DAPK2: variants seen among roughly 807,000 people sequenced by gnomAD.
The protein encoded by DAPK2 is death associated protein kinase 2.
DAPK2 carries 35 observed loss-of-function variants against 44.1 expected under a neutral mutation model. The ratio of observed to expected loss-of-function variants is 0.79; its 90% CI spans 0.61 to 1.05. DAPK2 has a LOEUF of 1.05. Among genes scored for constraint, DAPK2 ranks in the 50% least tolerant of loss-of-function variants. The pLI, the probability that DAPK2 is intolerant of heterozygous loss-of-function variation, is 0.00. For synonymous variants in DAPK2, 174 were observed against 182.6 expected, an observed-to-expected ratio of 0.95 and a Z score of 0.38; for missense variants, 453 against 483.2, an observed-to-expected ratio of 0.94 and a Z score of 0.59.
intron 1 of DAPK2, among the ~76,000 whole-genome samples, chr15:64,027,416 A>C (rs921837758): frequency 5.3e-5 from 8 of 151,692 alleles, no homozygotes; most frequent in African/African-American, 1.9e-4. Flanking sequence ...AAAAAACCCC[A>C]AAATTAGCCA....
At chr15:64,027,180 C>T (rs1043153592) in intron 1 of DAPK2, among the ~76,000 whole-genome samples, 4 of 152,014 alleles carry the variant, frequency 2.6e-5, no homozygotes, top group East Asian at 1.9e-4. Context: ...GTCAGGAATT[C>T]GAGACCAGCC....
chr15:63,961,701 C>T (rs761874806), intron 3 of DAPK2, among the ~76,000 whole-genome samples: 45 of 152,160 alleles, frequency 3.0e-4, no homozygotes, highest in Admixed American at 7.2e-4. Flanking sequence ...GGGTTTCTGC[C>T]GAGAGATCTG....
chr15:63,930,304 G>A (rs1420505137), intron 5 of DAPK2, 103 bp downstream of exon 6: 1 of 1,133,392 alleles, frequency 8.8e-7, no homozygotes, highest in Non-Finnish European at 1.3e-6. Context: ...TGAGTGTGGA[G>A]TAAGGGGCTT....
chr15:64,011,998 C>A (rs979522007), intron 1 of DAPK2, among the ~76,000 whole-genome samples: 4 of 152,152 alleles, frequency 2.6e-5, no homozygotes, highest in African/African-American at 9.7e-5. Context: ...TTTTCCAGCC[C>A]CCCAGCCTTG....
At chr15:63,947,727 T>C (rs992374814) in intron 3 of DAPK2, among the ~76,000 whole-genome samples, 7 of 152,198 alleles carry the variant, frequency 4.6e-5, no homozygotes, top group African/African-American at 1.7e-4. Context: ...ACTATTTCCT[T>C]GATGATGTCT....
At chr15:63,999,294 C>T (rs1417161835) in intron 1 of DAPK2, among the ~76,000 whole-genome samples, 1 of 152,220 alleles carries the variant, frequency 6.6e-6, no homozygotes, top group African/African-American at 2.4e-5. Context: ...GGCCAGGCAT[C>T]AGACCCGAGC....
rs996926546 is a variant in DAPK2 at position 63,930,130 on chromosome 15, G to C, written c.632+277C>G. 2.0e-5 allele frequency among the ~76,000 whole-genome samples: 3 copies of C among 152,122 alleles called. No individual in the cohort carries two copies. In the East Asian group the frequency reaches 5.8e-4, roughly 29 times the overall value. ...TTAACCCCAGCTGGGGCAGGCCCAC[G>C]GGTGAGTCTGCGCCTCCCCCTTGCC... On this transcript the variant is annotated intron_variant, in intron 5 of 10. Coordinates refer to ENST00000261891, the Ensembl canonical transcript of DAPK2.
chr15:63,943,748 C>T (rs988941137), intron 3 of DAPK2, among the ~76,000 whole-genome samples: 4 of 152,046 alleles, frequency 2.6e-5, no homozygotes, highest in Admixed American at 6.5e-5. Context: ...TGGTGGCACA[C>T]GCCTGTAGTT....
At chr15:64,035,856 G>A in intron 1 of DAPK2, among the ~76,000 whole-genome samples, 1 of 152,152 alleles carries the variant, frequency 6.6e-6, no homozygotes, top group East Asian at 1.9e-4. Flanking sequence ...GCAGGGCCAG[G>A]GAGGGTCCCA....
chr15:64,044,002 A>G (rs1434686426), upstream of DAPK2, among the ~76,000 whole-genome samples: 1 of 151,972 alleles, frequency 6.6e-6, no homozygotes, highest in Non-Finnish European at 1.5e-5. Flanking sequence ...CTTTCCTAAC[A>G]CCTCTCCTAA....
At chr15:63,938,718 A>T (rs1225462813) in intron 4 of DAPK2, among the ~76,000 whole-genome samples, 1 of 152,216 alleles carries the variant, frequency 6.6e-6, no homozygotes, top group Admixed American at 6.5e-5. Context: ...GGTGACAGAA[A>T]CAGAGGGAAG....
At chr15:63,974,065 G>A (rs2078283512) in intron 2 of DAPK2, among the ~76,000 whole-genome samples, 2 of 152,108 alleles carry the variant, frequency 1.3e-5, no homozygotes, top group South Asian at 4.1e-4. Flanking sequence ...CTAGAATACT[G>A]TTTTTGATGT....
intron 1 of DAPK2, among the ~76,000 whole-genome samples, chr15:63,998,572 C>T (rs965159935): frequency 6.6e-6 from 1 of 152,190 alleles, no homozygotes; most frequent in Non-Finnish European, 1.5e-5. Flanking sequence ...GCCAGGCTCT[C>T]TGGCTCCCTG....
chr15:63,942,703 A>G lies in DAPK2; in HGVS notation c.454-3342T>C, dbSNP rs550921827. Among the ~76,000 whole-genome samples the G allele has an allele frequency of 1.8e-4, 28 of 152,236 alleles. No homozygotes were observed. In the South Asian group the frequency reaches 5.4e-3, roughly 29 times the overall value. Reference sequence around the variant, plus strand: ...GCAGGTGACTTCTCTCCTGCCTGGAACACTCTCCCTGCACTACCCCAACCC... The same window carrying G: ...GCAGGTGACTTCTCTCCTGCCTGGAGCACTCTCCCTGCACTACCCCAACCC... On this transcript the variant is annotated intron_variant, in intron 3 of 10. Coordinates refer to ENST00000261891, the Ensembl canonical transcript of DAPK2.
rs2079160848 is a variant in DAPK2 at position 63,923,848 on chromosome 15, T to C, written c.858+968A>G. Among the ~76,000 whole-genome samples the C allele has an allele frequency of 6.6e-6, 1 of 152,166 alleles. No individual in the cohort carries two copies. The highest frequency in any genetic ancestry group is 6.5e-5 in the Admixed American group (1 of 15,276). Reference sequence around the variant, plus strand: ...CTCACCTTCTCTTTGTATTGATTGATTGATTATTATTTTTTAGAGAGATGG... The same window carrying C: ...CTCACCTTCTCTTTGTATTGATTGACTGATTATTATTTTTTAGAGAGATGG... On this transcript the variant is annotated intron_variant, in intron 8 of 10. Transcript: ENST00000261891. The surrounding 1 kb of genome is among the most constrained non-coding windows in gnomAD (Gnocchi z 4.2).
At chr15:64,028,076 T>G (rs1431253242) in intron 1 of DAPK2, among the ~76,000 whole-genome samples, 1 of 113,850 alleles carries the variant, frequency 8.8e-6, no homozygotes, top group Non-Finnish European at 1.8e-5. Flanking sequence ...TTATATTTTT[T>G]GAGATGGAGT....
intron 4 of DAPK2, among the ~76,000 whole-genome samples, chr15:63,935,086 C>CTTT (rs1316804307): frequency 1.0e-5 from 1 of 99,998 alleles, no homozygotes; most frequent in Admixed American, 1.1e-4. Flanking sequence ...AAATCTTTGC[C>CTTT]TTCTTTTTTT....
At chr15:63,925,303 G>T (rs908981870) in intron 7 of DAPK2, among the ~76,000 whole-genome samples, 3 of 152,062 alleles carry the variant, frequency 2.0e-5, no homozygotes, top group Non-Finnish European at 4.4e-5. Flanking sequence ...CAGGGCCCTT[G>T]CACTCCAGAC....
chr15:63,987,712 C>T (rs1595858880), intron 1 of DAPK2, among the ~76,000 whole-genome samples: 1 of 152,140 alleles, frequency 6.6e-6, no homozygotes, highest in African/African-American at 2.4e-5. Context: ...CTCCAAAGAG[C>T]CTGGGACAAC....
Sources: allele counts gnomAD v4.1 joint callset (sites outside exome capture counted in the v4.1 genomes callset), GRCh38; gene constraint gnomAD v4.1.1; non-coding constraint Gnocchi (gnomAD v3.1); transcripts MANE v1.5; gene names NCBI Gene and HGNC (gene_info 2026-07-23, HGNC 2026-07-21).